Variants in FANCA observed in about 807,000 individuals in gnomAD.
FANCA encodes the protein Fanconi anemia group A protein.
In FANCA, 236 loss-of-function variants were observed where a neutral mutation model predicts 194.3. The observed-to-expected ratio is 1.21, with a 90% confidence interval of 1.09 to 1.35. The LOEUF (loss-of-function observed/expected upper bound fraction) is 1.35, where lower values mean the gene tolerates loss of function less well. Among genes scored for constraint, FANCA ranks in the 40% most tolerant of loss-of-function variants. The pLI is 0.00. For missense variants in FANCA, 2,628 were observed against 1,813.9 expected (o/e 1.45, Z -8.15); for synonymous variants, 1,014 against 715.8 (o/e 1.42, Z -6.65).
At chr16:89,782,609 G>C (rs1054773211) in intron 17 of FANCA, among the ~76,000 whole-genome samples, 1 of 151,976 alleles carries the variant, frequency 6.6e-6, no homozygotes, top group African/African-American at 2.4e-5. Context: ...CTCCCAAAAG[G>C]ACAAATGTCC....
intron 8 of FANCA, among the ~76,000 whole-genome samples, chr16:89,800,163 G>A (rs1002631589): frequency 6.6e-6 from 1 of 152,210 alleles, no homozygotes; most frequent in Non-Finnish European, 1.5e-5. Flanking sequence ...GCCTAGGGCT[G>A]GGCAGGACAC....
At chr16:89,768,312 G>A (rs113019762) in intron 26 of FANCA, among the ~76,000 whole-genome samples, 9 of 152,330 alleles carry the variant, frequency 5.9e-5, no homozygotes, top group Admixed American at 2.6e-4. Flanking sequence ...GATTCCATGA[G>A]GCAATGGAGA....
At chr16:89,740,158 A>T (rs2062092961) in intron 38 of FANCA, 59 bp from the exon 39 acceptor site, 4 of 1,339,846 alleles carry the variant, frequency 3.0e-6, no homozygotes, top group Non-Finnish European at 4.3e-6. Flanking sequence ...CATGGGTAGG[A>T]GGGTACAGCC....
rs1486117630 is a variant in FANCA at position 89,783,081 on chromosome 16, G to C, written c.1492C>G (p.Leu498Val). The part of the protein sequence containing the change: ...YLQVHILHPP[L>V]VPGKYRSLLT... ...AGGGAGCGGTACTTGCCGGGAACCA[G>C]GGGTGGGTGGAGAATGTGCACCTGA... The change falls in exon 16 of 43, where the codon CTG becomes GTG. Residue 498 changes from leucine to valine, a missense_variant. Coordinates refer to ENST00000389301, the MANE Select transcript of FANCA (RefSeq NM_000135.4). 1.2e-6 allele frequency: 2 copies of C among 1,613,566 alleles called. No individual in the cohort carries two copies. The highest frequency in any genetic ancestry group is 1.7e-6 in the Non-Finnish European group (2 of 1,179,664).
intron 11 of FANCA, among the ~76,000 whole-genome samples, chr16:89,793,875 C>T (rs1598155821): frequency 6.6e-6 from 1 of 152,138 alleles, no homozygotes; most frequent in Non-Finnish European, 1.5e-5. Flanking sequence ...CTCAGCCTCC[C>T]GAGTAGCTGG....
chr16:89,760,966 G>A (rs899574004), intron 29 of FANCA, among the ~76,000 whole-genome samples: 7 of 152,156 alleles, frequency 4.6e-5, no homozygotes, highest in African/African-American at 1.7e-4. Flanking sequence ...CTAAGTGGGT[G>A]CCTTATACGT....
rs935013716 is a variant in FANCA at position 89,744,991 on chromosome 16, C to T, written c.3594G>A (p.Gln1198=). The part of the protein sequence containing the change: ...HCQSPLPREL[Q]KLQEGRQFAS... ...CAAACTGCCGGCCTTCTTGTAGCTT[C>T]TGCAGTTCCCGGGGCAGCGGGCTCT... Residue 1198 remains glutamine (Q), a synonymous_variant, in exon 36 of 43, where the codon CAG becomes CAA. Coordinates refer to ENST00000389301, the MANE Select transcript of FANCA (RefSeq NM_000135.4). The T allele has an allele frequency of 5.6e-6, 9 of 1,611,770 alleles. No individual in the cohort carries two copies. The highest frequency in any genetic ancestry group is 7.6e-6 in the Non-Finnish European group (9 of 1,179,888).
chr16:89,816,362 G>T, intron 1 of FANCA, 175 bp downstream of exon 1: 1 of 369,674 alleles, frequency 2.7e-6, no homozygotes, highest in East Asian at 4.5e-5. Flanking sequence ...GCGCAGGAGG[G>T]GCCGGGTCCG....
At chr16:89,776,400 C>A (rs2039507962) in intron 20 of FANCA, among the ~76,000 whole-genome samples, 1 of 151,730 alleles carries the variant, frequency 6.6e-6, no homozygotes, top group African/African-American at 2.4e-5. Context: ...AACTCGTGAC[C>A]TTGTGATTCA....
chr16:89,763,565 C>T (rs2039023073), intron 28 of FANCA, among the ~76,000 whole-genome samples: 1 of 152,134 alleles, frequency 6.6e-6, no homozygotes, highest in Admixed American at 6.6e-5. Flanking sequence ...AGAGCAATGC[C>T]AGCTCCAGTA....
chr16:89,812,612 C>T (rs1413733312), intron 3 of FANCA, among the ~76,000 whole-genome samples: 1 of 132,364 alleles, frequency 7.6e-6, no homozygotes, highest in Non-Finnish European at 1.6e-5. Context: ...CACCATTGCA[C>T]TCCAGCCTGG....
chr16:89,812,008 G>T (rs1490145712), intron 3 of FANCA, among the ~76,000 whole-genome samples: 1 of 150,990 alleles, frequency 6.6e-6, no homozygotes, highest in African/African-American at 2.4e-5. Context: ...TGGGATTACA[G>T]GTGTGAGCCA....
Position 89,758,557 on chromosome 16 carries a change from A to G in FANCA, c.2981+20T>C. The G allele has an allele frequency of 6.2e-7, 1 of 1,612,440 alleles. No individual in the cohort carries two copies. Among genetic ancestry groups the G allele is most frequent in the Non-Finnish European group, 8.5e-7 (1 of 1,178,826 alleles). On this transcript the variant is annotated intron_variant, in intron 30 of 42. Coordinates refer to ENST00000389301, the MANE Select transcript of FANCA (RefSeq NM_000135.4). ...AGTCCTGTCCCTCCAGAGAACCCTA[A>G]TACAGTGTGTGCTGCTAACCTTTGG...
intron 29 of FANCA, among the ~76,000 whole-genome samples, chr16:89,761,182 G>C (rs544446123): frequency 2.0e-5 from 3 of 152,348 alleles, no homozygotes; most frequent in African/African-American, 7.2e-5. Flanking sequence ...CACTTTGGGA[G>C]GCCAAGGCAA....
chr16:89,737,632 CAGTTTAA>C lies in FANCA; in HGVS notation c.*962_*968del. ...TGAAGCCACGTGACAGTGTATAAAG[CAGTTTAA>C]AGATCTTAATAAACGAGGCCCTCAT... On this transcript the variant is annotated 3_prime_UTR_variant, in exon 43 of 43. Coordinates refer to ENST00000389301, the MANE Select transcript of FANCA (RefSeq NM_000135.4). The C allele has an allele frequency of 8.0e-7, 1 of 1,251,734 alleles. No homozygotes were observed. Among genetic ancestry groups the C allele is most frequent in the Non-Finnish European group, 1.1e-6 (1 of 928,170 alleles). The allele number at this position is 1,251,734 out of a possible 1,614,324, so 77.5% of individuals were successfully genotyped here.
intron 31 of FANCA, among the ~76,000 whole-genome samples, chr16:89,750,891 TTTGTTGTTG>T (rs140776520): frequency 6.6e-6 from 1 of 151,954 alleles, no homozygotes; most frequent in Non-Finnish European, 1.5e-5. Flanking sequence ...TCACAAGTCT[TTTGTTGTTG>T]TTGTTGTTGT....
At chr16:89,780,713 G>C (rs557501507) in intron 17 of FANCA, among the ~76,000 whole-genome samples, 33 of 151,520 alleles carry the variant, frequency 2.2e-4, no homozygotes, top group African/African-American at 7.0e-4. Context: ...AGGATCACTT[G>C]AGCCCAGGAG....
At chr16:89,807,327 C>T (rs2040695133) in intron 6 of FANCA, among the ~76,000 whole-genome samples, 2 of 151,160 alleles carry the variant, frequency 1.3e-5, no homozygotes, top group East Asian at 2.0e-4. Context: ...TGTGGTGGCA[C>T]GCGCCTGTAG....
At chr16:89,810,570 C>A in intron 5 of FANCA, 137 bp downstream of exon 5, 1 of 727,102 alleles carries the variant, frequency 1.4e-6, no homozygotes, top group East Asian at 2.6e-5. Flanking sequence ...TTTCTAAACC[C>A]TTTTTCATCC....
Sources: allele counts gnomAD v4.1 joint callset (sites outside exome capture counted in the v4.1 genomes callset), GRCh38; gene constraint gnomAD v4.1.1; transcripts MANE v1.5; gene names NCBI Gene and HGNC (gene_info 2026-07-23, HGNC 2026-07-21).